The following ARHGAP33 variants were observed in gnomAD, a reference collection of about 807,000 sequenced individuals.
ARHGAP33 encodes rho GTPase-activating protein 33.
ARHGAP33 carries 57 observed loss-of-function variants against 126.2 expected under a neutral mutation model. The observed-to-expected ratio is 0.45, with a 90% CI of 0.36 to 0.56. ARHGAP33 has a LOEUF of 0.56. ARHGAP33 is among the 20% of genes least tolerant of loss of function. ARHGAP33 has a pLI of 0.00. For missense variants in ARHGAP33, 1,500 were observed against 1,748.3 expected (o/e 0.86, Z 2.53); for synonymous variants, 711 against 755.0 (o/e 0.94, Z 0.95).
intron 12 of ARHGAP33, 79 bp downstream of exon 12, chr19:35,781,331 G>C: frequency 1.4e-6 from 2 of 1,421,472 alleles, no homozygotes; most frequent in Non-Finnish European, 2.0e-6. Flanking sequence ...TGCATGCTGG[G>C]GACACAGTTA....
At chr19:35,778,234 C>A (rs1971561096) in intron 3 of ARHGAP33, 46 bp from the exon 4 acceptor site, 1 of 1,603,968 alleles carries the variant, frequency 6.2e-7, no homozygotes, top group Non-Finnish European at 8.5e-7. Context: ...CCCAGGAGGT[C>A]AGGACTGGGA....
chr19:35,779,211 T>C (rs923264128), intron 6 of ARHGAP33, 87 bp downstream of exon 6: 37 of 1,088,884 alleles, frequency 3.4e-5, no homozygotes, highest in Non-Finnish European at 4.0e-5. Flanking sequence ...TGTGTGGGCA[T>C]AGAAAAGAAA....
chr19:35,784,868 C>T (rs796534727), intron 16 of ARHGAP33, 85 bp from the exon 17 acceptor site: 32 of 1,415,932 alleles, frequency 2.3e-5, no homozygotes, highest in Middle Eastern at 2.6e-4. Context: ...GCTGCGGGGC[C>T]GGGGCTTGGG....
At position 35,782,345 on chromosome 19, in the gene ARHGAP33, TTCC is replaced by T. The variant is rs746331663; in HGVS notation, c.1086-20_1086-18del. The T allele has an allele frequency of 3.6e-5, 57 of 1,589,138 alleles. No individual in the cohort carries two copies. The highest frequency in any genetic ancestry group is 4.7e-5 in the Non-Finnish European group (54 of 1,161,234). On this transcript the variant is annotated intron_variant, in intron 12 of 20. Coordinates refer to ENST00000007510, the MANE Select transcript of ARHGAP33 (RefSeq NM_001366178.1). This position sits in a 1 kb window ranked among gnomAD's most constrained non-coding sequence, Gnocchi z 4.1. Reference sequence around the variant, plus strand: ...TGAGCGAGCCCCTCTGACCTGGATCTTCCTCCTCCTTGACACGGTGGTCTCAGG... The same window carrying T: ...TGAGCGAGCCCCTCTGACCTGGATCTTCCTCCTTGACACGGTGGTCTCAGG...
chr19:35,788,373 T>C lies in ARHGAP33; in HGVS notation c.3808T>C (p.Tyr1270His), dbSNP rs1568436082. The C allele has an allele frequency of 1.3e-6, 2 of 1,594,112 alleles. No individual in the cohort carries two copies. Among genetic ancestry groups the C allele is most frequent in the South Asian group, 2.3e-5 (2 of 88,754 alleles). ...RGEGAGPPPP[Y>H]PTPSWSLHSE... Reference sequence around the variant, plus strand: ...GGAGGGGGCTGGTCCCCCACCCCCTTACCCCACTCCCAGCTGGTCCCTCCA... The same window carrying C: ...GGAGGGGGCTGGTCCCCCACCCCCTCACCCCACTCCCAGCTGGTCCCTCCA... Residue 1270 changes from tyrosine (Y) to histidine (H), a missense_variant, in exon 21 of 21, where the codon TAC becomes CAC. Transcript: ENST00000007510.
rs534667335 is a variant in ARHGAP33, at chr19:35,778,450, C to T, written c.271-14C>T. The T allele has an allele frequency of 9.3e-6, 15 of 1,614,152 alleles. No individual in the cohort carries two copies. The East Asian group carries it at 2.9e-4, about 31-fold the overall frequency. On this transcript the variant is annotated splice_polypyrimidine_tract_variant and intron_variant, in intron 4 of 20. Coordinates refer to ENST00000007510, the MANE Select transcript of ARHGAP33 (RefSeq NM_001366178.1). ...ATGGGGCCCCTGCTCCCTTCTGTCC[C>T]TCTGCTCCCACAGGGCCGTTCCTGG...
Position 35,779,072 on chromosome 19 carries a change from C to A in ARHGAP33, c.449C>A (p.Ser150Ter). The change falls in exon 6 of 21, where the codon TCA becomes TAA. Residue 150 changes from serine to a stop codon, truncating the protein, a stop_gained. Coordinates refer to ENST00000007510, the MANE Select transcript of ARHGAP33 (RefSeq NM_001366178.1). LOFTEE classifies it high-confidence loss of function. ...PLLLQYLETL[S>*]GLVDSNLNCG... is the part of the protein sequence containing the mutation. ...CTGCTGCAGTACCTGGAGACACTGT[C>A]AGGACTGGTGGACAGTAACCTCAAC... 6.4e-7 allele frequency: 1 copy of A among 1,551,398 alleles called. No individual in the cohort carries two copies. Among genetic ancestry groups the A allele is most frequent in the South Asian group, 1.2e-5 (1 of 84,028 alleles).
rs576529988 is a variant in ARHGAP33 at position 35,775,567 on chromosome 19, C to T, written c.-92C>T. On this transcript the variant is annotated 5_prime_UTR_variant, in exon 1 of 21. Transcript: ENST00000007510. Reference sequence around the variant, plus strand: ...CAGCCGCCCGCGCGCGGCTCGCGCCCTCCCCTTTGTGTCGCCATGGCGGCG... The same window carrying T: ...CAGCCGCCCGCGCGCGGCTCGCGCCTTCCCCTTTGTGTCGCCATGGCGGCG... 1.7e-5 allele frequency: 24 copies of T among 1,390,762 alleles called. No individual in the cohort carries two copies. The highest frequency in any genetic ancestry group is 2.1e-5 in the Non-Finnish European group (23 of 1,072,590). The allele number at this position is 1,390,762 out of a possible 1,614,324, so 86.2% of individuals were successfully genotyped here. A position where few individuals can be genotyped will look rare whatever the true frequency, so the allele number is the denominator to read the frequency against.
Position 35,778,606 on chromosome 19 carries a change from C to T in ARHGAP33, c.408+5C>T, listed in dbSNP as rs779043047. ...GAGGGTGCCAGGGCTGCCCAGGTAA[C>T]CTGCTTGTTGTCTCAGCCCCTGCCT... On this transcript the variant is annotated splice_donor_5th_base_variant and intron_variant, in intron 5 of 20. Transcript: ENST00000007510. The T allele has an allele frequency of 6.2e-7, 1 of 1,612,016 alleles. No individual in the cohort carries two copies. The highest frequency in any genetic ancestry group is 1.3e-5 in the African/African-American group (1 of 74,900).
At chr19:35,778,958 C>A in intron 5 of ARHGAP33, 74 bp from the exon 6 acceptor site, 3 of 1,250,506 alleles carry the variant, frequency 2.4e-6, no homozygotes, top group Non-Finnish European at 3.4e-6. Context: ...CAGAGACGAG[C>A]TAGGGCAGTG....
chr19:35,785,411 A>G lies in ARHGAP33; in HGVS notation c.1870A>G (p.Ser624Gly), dbSNP rs770621635. 6 of 1,614,054 alleles carry G rather than the reference A, an allele frequency of 3.7e-6. No individual in the cohort carries two copies. The highest frequency in any genetic ancestry group is 4.2e-6 in the Non-Finnish European group (5 of 1,180,020). ...TCCTACCTCTCCCTCTCCTGCAGGCAGCAGACCCGACACCGTCACACTGAG... is the reference window on the plus strand; with the variant it reads ...TCCTACCTCTCCCTCTCCTGCAGGCGGCAGACCCGACACCGTCACACTGAG... ...GTRAPPQPSGSRPDTVTLRSA... is the reference protein window; with the variant it reads ...GTRAPPQPSGGRPDTVTLRSA... Residue 624 changes from serine (S) to glycine (G), a missense_variant and splice_region_variant, in exon 19 of 21, where the codon AGC (serine) becomes GGC (glycine). Physicochemically the swap from Ser to Gly is moderately conservative, Grantham distance 56 (BLOSUM62 0). This residue lies in a region of ARHGAP33 where 300 missense variants were observed against 291.1 expected (regional missense o/e 1.03). Transcript: ENST00000007510.
At chr19:35,783,343 T>C (rs1378758534) in intron 15 of ARHGAP33, among the ~76,000 whole-genome samples, 3 of 152,190 alleles carry the variant, frequency 2.0e-5, no homozygotes, top group Non-Finnish European at 4.4e-5. Context: ...ACAGGTGGTA[T>C]GTCAGAGGAC....
intron 6 of ARHGAP33, 74 bp from the exon 7 acceptor site, chr19:35,780,137 C>T (rs1796951299): frequency 5.1e-6 from 8 of 1,578,440 alleles, no homozygotes; most frequent in African/African-American, 2.7e-5. Context: ...CCTCACCCAG[C>T]GCGGAGGAGC....
chr19:35,786,486 T>G lies in ARHGAP33; in HGVS notation c.2016T>G (p.Ala672=). Reference sequence around the variant, plus strand: ...CTTTCCCTGTGGGCCCAGCACCTGCTGGCTCCTGCGAGAGCCTGTCCTCGT... The same window carrying G: ...CTTTCCCTGTGGGCCCAGCACCTGCGGGCTCCTGCGAGAGCCTGTCCTCGT... ...SDAFPVGPAP[A]GSCESLSSSS... The change falls in exon 20 of 21, where the codon GCT becomes GCG. Residue 672 remains alanine (A), a synonymous_variant. Transcript: ENST00000007510. The surrounding 1 kb of genome is among the most constrained non-coding windows in gnomAD (Gnocchi z 7.0). The G allele has an allele frequency of 6.5e-7, 1 of 1,535,900 alleles. No homozygotes were observed. Among genetic ancestry groups the G allele is most frequent in the Non-Finnish European group, 8.7e-7 (1 of 1,146,778 alleles).
At chr19:35,783,933 G>C (rs766525624) in intron 15 of ARHGAP33, among the ~76,000 whole-genome samples, 1 of 150,606 alleles carries the variant, frequency 6.6e-6, no homozygotes, top group Non-Finnish European at 1.5e-5. Context: ...GAGTTAAAGA[G>C]GGGGGCTCAG....
Position 35,775,909 on chromosome 19 carries a change from G to C in ARHGAP33, c.6+245G>C, listed in dbSNP as rs868359008. ...AGGGACCTAGGGCCTGGGCTGGGAG[G>C]AGGCGGGGCTAGTCCAGGAAGGGAC... On this transcript the variant is annotated intron_variant, in intron 1 of 20. Coordinates refer to ENST00000007510, the MANE Select transcript of ARHGAP33 (RefSeq NM_001366178.1). Among the ~76,000 whole-genome samples the C allele has an allele frequency of 2.0e-5, 3 of 151,906 alleles. No homozygotes were observed. The South Asian group carries it at 6.2e-4, about 31-fold the overall frequency.
rs1342970285 is a variant in ARHGAP33, at chr19:35,787,590, G to A, written c.3025G>A (p.Gly1009Ser). The A allele has an allele frequency of 6.8e-6, 11 of 1,606,910 alleles. No individual in the cohort carries two copies. The Admixed American group carries it at 1.0e-4, about 15-fold the overall frequency. ...TGCCCAGCTCAGGGCAGGTGGCGGG[G>A]GCAGGGATGCGCCAGAGGCAGCAGC... ...VSAQLRAGGG[G>S]RDAPEAAAQS... The change falls in exon 21 of 21, where the codon GGC becomes AGC. Residue 1009 changes from glycine (G) to serine (S), a missense_variant. By Grantham distance (56) the Gly-to-Ser change is moderately conservative. This residue lies in a region of ARHGAP33 where 642 missense variants were observed against 634.0 expected (regional missense o/e 1.01). Coordinates refer to ENST00000007510, the MANE Select transcript of ARHGAP33 (RefSeq NM_001366178.1).
At chr19:35,783,876 G>A (rs1465177781) in intron 15 of ARHGAP33, among the ~76,000 whole-genome samples, 1 of 149,704 alleles carries the variant, frequency 6.7e-6, no homozygotes, top group African/African-American at 2.5e-5. Flanking sequence ...GGAGATGGAG[G>A]CTGGGCCAGA....
Position 35,787,761 on chromosome 19 carries a change from G to C in ARHGAP33, c.3196G>C (p.Ala1066Pro). Residue 1066 changes from alanine to proline, a missense_variant, in exon 21 of 21, where the codon GCC (alanine) becomes CCC (proline). Physicochemically the swap from Ala to Pro is conservative, Grantham distance 27 (BLOSUM62 -1). Coordinates refer to ENST00000007510, the MANE Select transcript of ARHGAP33 (RefSeq NM_001366178.1). Reference protein sequence around the residue: ...GPPSFQPSSPAPVWRSSLGPP... With the variant: ...GPPSFQPSSPPPVWRSSLGPP... ...CCCATCCTTCCAGCCCAGTTCCCCA[G>C]CCCCAGTCTGGAGGAGCTCTCTGGG... The C allele has an allele frequency of 6.3e-7, 1 of 1,578,372 alleles. No homozygotes were observed. The highest frequency in any genetic ancestry group is 8.6e-7 in the Non-Finnish European group (1 of 1,168,442).
Sources: gnomAD v4.1 joint callset for allele counts (sites outside exome capture counted in the v4.1 genomes callset) on GRCh38, gnomAD v4.1.1 for gene constraint, gnomAD v4.1.1 regional missense constraint, Gnocchi (gnomAD v3.1) non-coding constraint, MANE v1.5 for transcripts, NCBI Gene and HGNC (gene_info 2026-07-23, HGNC 2026-07-21) for gene names.